The following COL5A2 variants were observed in gnomAD, a reference collection of about 807,000 sequenced individuals.
COL5A2 encodes the protein collagen alpha-2(V) chain.
Under a neutral mutation model 208.2 loss-of-function variants are expected in COL5A2, and 23 were observed. That is an observed-to-expected ratio of 0.11 (90% CI 0.08 to 0.16). COL5A2 has a LOEUF of 0.16. Among genes scored for constraint, COL5A2 ranks in the 10% least tolerant of loss-of-function variants. The probability of loss-of-function intolerance (pLI) is 1.00; values close to 1 mark genes in which losing one functional copy is unlikely to be tolerated. For missense variants in COL5A2, 1,590 were observed against 1,956.4 expected, an observed-to-expected ratio of 0.81 and a Z score of 3.53; for synonymous variants, 625 against 628.5, an observed-to-expected ratio of 0.99 and a Z score of 0.08.
chr2:189,130,057 T>C (rs1451716939), intron 1 of COL5A2, among the ~76,000 whole-genome samples: 1 of 152,024 alleles, frequency 6.6e-6, no homozygotes, highest in African/African-American at 2.4e-5. Context: ...CAAAAATGCG[T>C]TTTCTGTCTT....
At chr2:189,303,853 C>T in the COL5A2 span, among the ~76,000 whole-genome samples, 2 of 152,204 alleles carry the variant, frequency 1.3e-5, no homozygotes, top group African/African-American at 2.4e-5. Flanking sequence ...CCACGAGGCA[C>T]CCCGAGAGTC....
intron 17 of COL5A2, among the ~76,000 whole-genome samples, chr2:189,073,513 A>G (rs1686331465): frequency 6.6e-6 from 1 of 152,016 alleles, no homozygotes; most frequent in Admixed American, 6.6e-5. Flanking sequence ...TCTAGAGATT[A>G]CATTTAAATT....
chr2:189,381,146 G>A, the COL5A2 span, among the ~76,000 whole-genome samples: 1 of 151,974 alleles, frequency 6.6e-6, no homozygotes, highest in Non-Finnish European at 1.5e-5. Flanking sequence ...TGAAGGAAGA[G>A]TACTCACTTC....
chr2:189,335,670 T>C, the COL5A2 span, among the ~76,000 whole-genome samples: 1 of 152,052 alleles, frequency 6.6e-6, no homozygotes, highest in Non-Finnish European at 1.5e-5. Flanking sequence ...GGCCACAGAT[T>C]GTATTATTCC....
At chr2:189,061,526 A>G in intron 30 of COL5A2, 36 bp downstream of exon 30, 1 of 1,499,778 alleles carries the variant, frequency 6.7e-7, no homozygotes, top group Non-Finnish European at 9.3e-7. Context: ...ATTTTAGTTA[A>G]TGGAAGATGA....
Position 189,080,095 on chromosome 2 carries a change from A to G in COL5A2, c.907-64T>C. 6 of 1,255,836 alleles carry G rather than the reference A, an allele frequency of 4.8e-6. No individual in the cohort carries two copies. The South Asian group carries it at 6.2e-5, about 13-fold the overall frequency. 77.8% of individuals were successfully genotyped at this position (1,255,836 alleles called of 1,614,324 possible). On this transcript the variant is annotated intron_variant, in intron 13 of 53. Coordinates refer to ENST00000374866, the MANE Select transcript of COL5A2 (RefSeq NM_000393.5). ...TTTTTCAATCCTCAAAGGCATAAGA[A>G]CCAAAAATAAGCTTGCAGAAATTGC...
chr2:189,268,108 G>T, the COL5A2 span, among the ~76,000 whole-genome samples: 1 of 151,900 alleles, frequency 6.6e-6, no homozygotes, highest in East Asian at 1.9e-4. Flanking sequence ...ATAGAGTTCT[G>T]GTTTTATTTG....
the COL5A2 span, among the ~76,000 whole-genome samples, chr2:189,382,503 T>C: frequency 1.3e-5 from 2 of 152,222 alleles, no homozygotes; most frequent in Non-Finnish European, 2.9e-5. Flanking sequence ...ATTCTATTTA[T>C]GGAAGTTTTT....
the COL5A2 span, among the ~76,000 whole-genome samples, chr2:189,371,297 AACTG>A: frequency 6.6e-6 from 1 of 152,186 alleles, no homozygotes; most frequent in African/African-American, 2.4e-5. Context: ...GCAACGCAAA[AACTG>A]ACTAACATGG....
At chr2:189,061,522 G>A (rs1369496229) in intron 30 of COL5A2, 40 bp downstream of exon 30, 3 of 1,451,260 alleles carry the variant, frequency 2.1e-6, no homozygotes, top group East Asian at 2.3e-5. Context: ...AAGCATTTTA[G>A]TTAATGGAAG....
In COL5A2 at chr2:189,210,492, G is replaced by A. The variant is rs559308472; in HGVS notation, c.-42+14656C>T. Among the ~76,000 whole-genome samples the A allele has an allele frequency of 2.7e-5, 4 of 147,330 alleles. No individual in the cohort carries two copies. In the South Asian group the frequency reaches 8.6e-4, roughly 32 times the overall value. ...AGTGGAAAACTGAAAATCCAAATAT[G>A]GTGAATTTCTGACTCACCAGAATTG... On this transcript the variant is annotated intron_variant, in intron 1 of 10. Transcript: ENST00000649966.
At chr2:189,418,100 T>C in the COL5A2 span, among the ~76,000 whole-genome samples, 1 of 152,150 alleles carries the variant, frequency 6.6e-6, no homozygotes, top group African/African-American at 2.4e-5. Context: ...ATGAAGTATA[T>C]GACTGATTTA....
the COL5A2 span, among the ~76,000 whole-genome samples, chr2:189,419,840 A>T: frequency 6.7e-6 from 1 of 149,682 alleles, no homozygotes; most frequent in Admixed American, 6.7e-5. Flanking sequence ...AGGAGAGGAA[A>T]GGAAAGGAAA....
intron 1 of COL5A2, among the ~76,000 whole-genome samples, chr2:189,151,168 T>G (rs1295622595): frequency 6.6e-6 from 1 of 152,060 alleles, no homozygotes; most frequent in Admixed American, 6.6e-5. Flanking sequence ...TAAGACACAC[T>G]AACCCCCAGC....
chr2:189,269,660 C>G, the COL5A2 span, among the ~76,000 whole-genome samples: 5 of 151,958 alleles, frequency 3.3e-5, no homozygotes, highest in African/African-American at 9.7e-5. Flanking sequence ...TGAGGATTTT[C>G]GCATCAATGT....
intron 37 of COL5A2, 116 bp from the exon 38 acceptor site, chr2:189,053,593 C>T: frequency 1.0e-6 from 1 of 977,822 alleles, no homozygotes; most frequent in Non-Finnish European, 1.6e-6. Context: ...AAAAATTACA[C>T]ATATTGCTTA....
the COL5A2 span, among the ~76,000 whole-genome samples, chr2:189,380,843 T>C: frequency 1.3e-5 from 2 of 152,102 alleles, no homozygotes; most frequent in East Asian, 3.9e-4. Context: ...TTAAAATTTG[T>C]AATTTGTAGA....
intron 8 of COL5A2, among the ~76,000 whole-genome samples, chr2:189,088,133 T>C (rs1686704771): frequency 6.6e-6 from 1 of 152,188 alleles, no homozygotes; most frequent in African/African-American, 2.4e-5. Context: ...AAGTGTTAAT[T>C]TATTCAATAA....
chr2:189,167,252 AT>A (rs1364498907), intron 1 of COL5A2, among the ~76,000 whole-genome samples: 13 of 152,328 alleles, frequency 8.5e-5, no homozygotes, highest in Admixed American at 5.2e-4. Flanking sequence ...TACAAGATGT[AT>A]TTATATGCTG....
Sources: allele counts gnomAD v4.1 joint callset (sites outside exome capture counted in the v4.1 genomes callset), GRCh38; gene constraint gnomAD v4.1.1; transcripts MANE v1.5; gene names NCBI Gene and HGNC (gene_info 2026-07-23, HGNC 2026-07-21).